The following MRAS variants were observed in gnomAD, a reference collection of about 807,000 sequenced individuals.
The protein encoded by MRAS is muscle RAS oncogene homolog.
Under a neutral mutation model 20.9 loss-of-function variants are expected in MRAS, and 4 were observed. The ratio of observed to expected loss-of-function variants is 0.19; its 90% CI spans 0.09 to 0.44. The LOEUF (loss-of-function observed/expected upper bound fraction) is 0.44, where lower values mean the gene tolerates loss of function less well. Ranked by LOEUF, MRAS falls within the 20% of genes least tolerant of loss-of-function variation. MRAS has a pLI of 0.99. For missense variants in MRAS, 154 were observed against 277.5 expected (o/e 0.56, Z 3.16); for synonymous variants, 98 against 102.9 (o/e 0.95, Z 0.29).
intron 1 of MRAS, among the ~76,000 whole-genome samples, chr3:138,350,858 G>A (rs1466520761): frequency 2.0e-5 from 3 of 149,916 alleles, no homozygotes; most frequent in Non-Finnish European, 4.4e-5. Context: ...TGGGAGGATT[G>A]CTTAAGCCCA....
chr3:138,362,479 C>G (rs1369475810), intron 1 of MRAS, among the ~76,000 whole-genome samples: 1 of 152,172 alleles, frequency 6.6e-6, no homozygotes, highest in African/African-American at 2.4e-5. Flanking sequence ...CATCCCCTTC[C>G]CCTCCTCTGA....
At chr3:138,370,858 G>A (rs999081575) in intron 1 of MRAS, among the ~76,000 whole-genome samples, 4 of 151,950 alleles carry the variant, frequency 2.6e-5, no homozygotes, top group African/African-American at 9.7e-5. Context: ...AGTTCTTAAT[G>A]CCTGGATCCA....
intron 4 of MRAS, among the ~76,000 whole-genome samples, chr3:138,398,999 CTG>C (rs2055302351): frequency 6.6e-6 from 1 of 152,232 alleles, no homozygotes; most frequent in Admixed American, 6.5e-5. Context: ...GCACGTTGTC[CTG>C]ACTTACAGGG....
At chr3:138,400,950 G>A (rs116007262) in intron 5 of MRAS, among the ~76,000 whole-genome samples, 4 of 152,246 alleles carry the variant, frequency 2.6e-5, no homozygotes, top group African/African-American at 9.6e-5. Flanking sequence ...TTTCCACACT[G>A]TACAAACTAG....
chr3:138,356,490 C>G (rs939756197), intron 1 of MRAS, among the ~76,000 whole-genome samples: 1 of 152,042 alleles, frequency 6.6e-6, no homozygotes, highest in Non-Finnish European at 1.5e-5. Flanking sequence ...TTAGATAACC[C>G]ACAAATTCAT....
chr3:138,352,152 GCCT>G (rs2054241857), intron 1 of MRAS, among the ~76,000 whole-genome samples: 1 of 152,238 alleles, frequency 6.6e-6, no homozygotes, highest in African/African-American at 2.4e-5. Context: ...TGCTGGCACT[GCCT>G]CATGCTTCCG....
chr3:138,399,802 C>T (rs1346075966), intron 4 of MRAS, among the ~76,000 whole-genome samples: 1 of 152,184 alleles, frequency 6.6e-6, no homozygotes, highest in African/African-American at 2.4e-5. Flanking sequence ...AGAAGGTGAG[C>T]GCTCAGGAGT....
intron 1 of MRAS, among the ~76,000 whole-genome samples, chr3:138,368,607 A>T (rs2054612706): frequency 6.6e-6 from 1 of 152,164 alleles, no homozygotes; most frequent in Non-Finnish European, 1.5e-5. Context: ...TCAAAGGGTC[A>T]CATCCATCAT....
intron 1 of MRAS, among the ~76,000 whole-genome samples, chr3:138,366,230 T>G (rs1037881477): frequency 1.2e-4 from 18 of 152,120 alleles, no homozygotes; most frequent in African/African-American, 3.9e-4. Flanking sequence ...TCCACATGGG[T>G]TGGGTCACTC....
intron 2 of MRAS, among the ~76,000 whole-genome samples, chr3:138,393,364 C>G (rs1245518251): frequency 6.6e-6 from 1 of 152,118 alleles, no homozygotes; most frequent in Non-Finnish European, 1.5e-5. Context: ...CTGCACTGGC[C>G]TTAAACTTAA....
chr3:138,362,649 G>A (rs1421269324), intron 1 of MRAS, among the ~76,000 whole-genome samples: 1 of 152,140 alleles, frequency 6.6e-6, no homozygotes, highest in Admixed American at 6.5e-5. Flanking sequence ...GTATGGACTT[G>A]GGGCTAGGGC....
chr3:138,363,045 GT>G (rs111994592), intron 1 of MRAS, among the ~76,000 whole-genome samples: 16,853 of 150,288 alleles, frequency 0.11, 3,157 homozygotes, highest in African/African-American at 0.39. Context: ...TGTTTTTTGT[GT>G]TTTTTTTTGA....
chr3:138,358,855 A>C (rs1421366367), intron 1 of MRAS, among the ~76,000 whole-genome samples: 1 of 152,214 alleles, frequency 6.6e-6, no homozygotes, highest in Non-Finnish European at 1.5e-5. Flanking sequence ...TAAGGTGCTT[A>C]GCATGTGGTC....
chr3:138,379,147 A>G (rs1264375879), intron 2 of MRAS, among the ~76,000 whole-genome samples: 2 of 151,844 alleles, frequency 1.3e-5, no homozygotes, highest in Non-Finnish European at 2.9e-5. Context: ...GTATTTCTGT[A>G]CCCATTAACC....
intron 1 of MRAS, among the ~76,000 whole-genome samples, chr3:138,362,974 A>G (rs1404504926): frequency 1.3e-5 from 2 of 151,948 alleles, no homozygotes; most frequent in Admixed American, 6.6e-5. Flanking sequence ...TCATGCCTCC[A>G]TGCATTACAC....
intron 2 of MRAS, among the ~76,000 whole-genome samples, chr3:138,385,106 A>G (rs1022331348): frequency 1.3e-5 from 2 of 151,466 alleles, no homozygotes; most frequent in Non-Finnish European, 2.9e-5. Context: ...AGAGAAATGA[A>G]CAGTAGTGGG....
chr3:138,349,680 C>T (rs963301351), intron 1 of MRAS: 1 of 152,456 alleles, frequency 6.6e-6, no homozygotes, highest in Non-Finnish European at 1.5e-5. Context: ...CCTTGCTCCT[C>T]TAGGACTCAC....
At chr3:138,354,818 T>C (rs1156318905) in intron 1 of MRAS, among the ~76,000 whole-genome samples, 1 of 152,092 alleles carries the variant, frequency 6.6e-6, no homozygotes, top group African/African-American at 2.4e-5. Context: ...TCTCACTCTG[T>C]TGCTTAGGTT....
At chr3:138,366,145 C>T (rs1057238173) in intron 1 of MRAS, among the ~76,000 whole-genome samples, 14 of 152,182 alleles carry the variant, frequency 9.2e-5, no homozygotes, top group Admixed American at 3.3e-4. Flanking sequence ...TGCAGGTCAG[C>T]GCTCTGGTGA....
Sources: gnomAD v4.1 joint callset for allele counts (sites outside exome capture counted in the v4.1 genomes callset) on GRCh38, gnomAD v4.1.1 for gene constraint, MANE v1.5 for transcripts, NCBI Gene and HGNC (gene_info 2026-07-23, HGNC 2026-07-21) for gene names.